Variants in AGPS observed in about 807,000 individuals in gnomAD.
AGPS encodes alkyldihydroxyacetonephosphate synthase, peroxisomal.
AGPS carries 26 observed loss-of-function variants against 90.7 expected under a neutral mutation model. The observed-to-expected ratio is 0.29, with a 90% CI of 0.21 to 0.40. The LOEUF (loss-of-function observed/expected upper bound fraction) is 0.40, where lower values mean the gene tolerates loss of function less well. AGPS is among the 10% of genes least tolerant of loss of function. The pLI, the probability that AGPS is intolerant of heterozygous loss-of-function variation, is 1.00. For synonymous variants in AGPS, 294 were observed against 285.3 expected, an observed-to-expected ratio of 1.03 and a Z score of -0.31; for missense variants, 540 against 816.1, an observed-to-expected ratio of 0.66 and a Z score of 4.12.
chr2:177,476,784 T>C (rs1687791931), intron 10 of AGPS, among the ~76,000 whole-genome samples: 1 of 152,164 alleles, frequency 6.6e-6, no homozygotes, highest in South Asian at 2.1e-4. Flanking sequence ...ATTGTTGAAT[T>C]ATCTATTTCT....
chr2:177,396,222 A>G (rs1029046335), intron 1 of AGPS, among the ~76,000 whole-genome samples: 1 of 152,234 alleles, frequency 6.6e-6, no homozygotes, highest in African/African-American at 2.4e-5. Flanking sequence ...TCGTATTTAC[A>G]TAACTAGGTG....
intron 1 of AGPS, 184 bp downstream of exon 1, chr2:177,393,233 G>C (rs904592679): frequency 2.0e-6 from 2 of 985,284 alleles, no homozygotes; most frequent in African/African-American, 3.5e-5. Context: ...GTCAGGAAGG[G>C]GGCGGGATGG....
chr2:177,409,753 C>T (rs1322631980), intron 1 of AGPS, among the ~76,000 whole-genome samples: 6 of 152,160 alleles, frequency 3.9e-5, no homozygotes, highest in East Asian at 3.9e-4. Context: ...TCTAGGGGTC[C>T]GCAGTAGTTC....
chr2:177,533,002 C>T (rs948423701), intron 19 of AGPS, among the ~76,000 whole-genome samples: 2 of 152,064 alleles, frequency 1.3e-5, no homozygotes, highest in Non-Finnish European at 2.9e-5. Context: ...CTGTAAACAG[C>T]GCAGGGATCC....
chr2:177,409,940 A>G (rs940770942), intron 1 of AGPS, among the ~76,000 whole-genome samples: 5 of 152,214 alleles, frequency 3.3e-5, no homozygotes, highest in Non-Finnish European at 5.9e-5. Flanking sequence ...GATAGTTTTT[A>G]AAAGGCCTGG....
chr2:177,492,917 G>C lies in AGPS; in HGVS notation c.1234-231G>C, dbSNP rs57681892. 0.64 allele frequency among the ~76,000 whole-genome samples: 97,067 copies of C among 151,260 alleles called. 32,900 individuals are homozygous for C. The highest frequency in any genetic ancestry group is 0.74 in the Admixed American group (11,316 of 15,214). The stretch of plus-strand genomic sequence containing the variant: ...ATAAATTTAAAATCTGTTAACTTAT[G>C]TTTGTATTTATTTATCTATATCTGT... On this transcript the variant is annotated intron_variant, in intron 11 of 19. Coordinates refer to ENST00000264167, the MANE Select transcript of AGPS (RefSeq NM_003659.4).
chr2:177,496,853 C>T (rs991983098), intron 12 of AGPS, among the ~76,000 whole-genome samples: 1 of 151,960 alleles, frequency 6.6e-6, no homozygotes, highest in Non-Finnish European at 1.5e-5. Flanking sequence ...CAAACAAAAT[C>T]CCCAAACCTT....
chr2:177,482,221 A>C (rs758811343), intron 11 of AGPS, 35 bp downstream of exon 11: 1 of 1,140,428 alleles, frequency 8.8e-7, no homozygotes, highest in Non-Finnish European at 1.2e-6. Flanking sequence ...ACATACATAC[A>C]TATATGTTTA....
chr2:177,533,756 C>G (rs760612168), intron 19 of AGPS, among the ~76,000 whole-genome samples: 2 of 152,156 alleles, frequency 1.3e-5, no homozygotes, highest in African/African-American at 2.4e-5. Context: ...CTTACATAAT[C>G]CAGCAGTAGT....
intron 11 of AGPS, 95 bp from the exon 12 acceptor site, chr2:177,493,053 A>G: frequency 8.7e-7 from 1 of 1,144,766 alleles, no homozygotes; most frequent in South Asian, 1.3e-5. Flanking sequence ...TAAGCTCTTG[A>G]TCTCTTAAAT....
chr2:177,438,094 C>G (rs1002997845), intron 5 of AGPS, among the ~76,000 whole-genome samples: 3 of 152,190 alleles, frequency 2.0e-5, no homozygotes, highest in African/African-American at 7.2e-5. Flanking sequence ...GGTTACTTCT[C>G]TACCAAGATT....
intron 1 of AGPS, among the ~76,000 whole-genome samples, chr2:177,408,167 G>T (rs548167074): frequency 6.6e-6 from 1 of 152,136 alleles, no homozygotes; most frequent in Non-Finnish European, 1.5e-5. Flanking sequence ...GCAGTTTCTC[G>T]TACTGTGTTT....
chr2:177,477,288 A>AT (rs1333398787), intron 10 of AGPS, among the ~76,000 whole-genome samples: 1 of 151,610 alleles, frequency 6.6e-6, no homozygotes, highest in African/African-American at 2.4e-5. Flanking sequence ...TGCCTTAGTG[A>AT]TTTTTTTCAG....
intron 16 of AGPS, among the ~76,000 whole-genome samples, chr2:177,508,695 A>AT (rs1170736630): frequency 2.6e-5 from 4 of 152,296 alleles, no homozygotes; most frequent in African/African-American, 9.6e-5. Flanking sequence ...TGTGAGTTGT[A>AT]TTATAACTCA....
intron 18 of AGPS, 74 bp from the exon 19 acceptor site, chr2:177,523,674 G>C: frequency 8.1e-7 from 1 of 1,239,534 alleles, no homozygotes; most frequent in South Asian, 1.2e-5. Context: ...CCTTCTTTGG[G>C]AGTTGGGTCT....
At chr2:177,419,374 T>G (rs1358905859) in intron 1 of AGPS, among the ~76,000 whole-genome samples, 1 of 151,932 alleles carries the variant, frequency 6.6e-6, no homozygotes, top group East Asian at 1.9e-4. Flanking sequence ...ATAAACTGCA[T>G]AGTTGAATTT....
intron 1 of AGPS, among the ~76,000 whole-genome samples, chr2:177,399,805 A>G (rs1685283483): frequency 6.6e-6 from 1 of 152,318 alleles, no homozygotes; most frequent in African/African-American, 2.4e-5. Flanking sequence ...GACTTCTAAC[A>G]TATAGATTTG....
chr2:177,520,942 A>G (rs1388981905), intron 17 of AGPS, among the ~76,000 whole-genome samples: 1 of 152,250 alleles, frequency 6.6e-6, no homozygotes, highest in Non-Finnish European at 1.5e-5. Context: ...GATACAATGT[A>G]TAAAAGTTTT....
chr2:177,532,261 T>G (rs1209075368), intron 19 of AGPS, among the ~76,000 whole-genome samples: 1 of 152,086 alleles, frequency 6.6e-6, no homozygotes, highest in Admixed American at 6.6e-5. Flanking sequence ...TCATAGCTCA[T>G]TAGTAAAAAG....
Sources: gnomAD v4.1 joint callset for allele counts (sites outside exome capture counted in the v4.1 genomes callset) on GRCh38, gnomAD v4.1.1 for gene constraint, MANE v1.5 for transcripts, NCBI Gene and HGNC (gene_info 2026-07-23, HGNC 2026-07-21) for gene names.